The following GYPB variants were observed in gnomAD, a reference collection of about 807,000 sequenced individuals.
GYPB encodes glycophorin-B.
In GYPB, 13 loss-of-function variants were observed where a neutral mutation model predicts 15.3. That is an observed-to-expected ratio of 0.85 (90% confidence interval 0.55 to 1.35). The LOEUF is 1.35. GYPB is among the 40% of genes most tolerant of loss of function. GYPB has a pLI of 0.00. For missense variants in GYPB, 131 were observed against 108.3 expected (o/e 1.21, Z -0.93); for synonymous variants, 38 against 36.9 (o/e 1.03, Z -0.11).
chr4:144,000,718 T>A (rs958391127), intron 2 of GYPB, among the ~76,000 whole-genome samples: 6 of 151,168 alleles, frequency 4.0e-5, no homozygotes, highest in Non-Finnish European at 4.4e-5. Context: ...TTTTAGACAC[T>A]TCTTCTTATT....
At chr4:144,005,745 C>G (rs1213560508) in intron 1 of GYPB, among the ~76,000 whole-genome samples, 1 of 151,736 alleles carries the variant, frequency 6.6e-6, no homozygotes, top group Non-Finnish European at 1.5e-5. Flanking sequence ...ATAGACAGAC[C>G]TTGTGCCAAC....
At position 144,017,344 on chromosome 4, in the gene GYPB, A is replaced by G. The variant is rs554644594; in HGVS notation, c.37+1907T>C. ...ATCGTCTTTTTTTCATAGCAAAAAAAAAAAAGAAAAAGAAAAAAAAAGAAA... is the reference window on the plus strand; with the variant it reads ...ATCGTCTTTTTTTCATAGCAAAAAAGAAAAAGAAAAAGAAAAAAAAAGAAA... On this transcript the variant is annotated intron_variant, in intron 1 of 4. Coordinates refer to ENST00000502664, the MANE Select transcript of GYPB (RefSeq NM_002100.6). Among the ~76,000 whole-genome samples, 16 of 146,962 alleles carry G rather than the reference A, an allele frequency of 1.1e-4. 1 individual carries two copies. Among genetic ancestry groups the G allele is most frequent in the African/African-American group, 1.6e-4 (6 of 36,806 alleles).
At chr4:144,002,610 G>A in intron 1 of GYPB, 1 of 1,286,906 alleles carries the variant, frequency 7.8e-7, no homozygotes, top group Non-Finnish European at 1.0e-6. Flanking sequence ...GAGGGGAATG[G>A]CACCCAAGTG....
At chr4:144,013,775 T>C (rs1201795476) in intron 1 of GYPB, among the ~76,000 whole-genome samples, 2 of 56,848 alleles carry the variant, frequency 3.5e-5, no homozygotes, top group African/African-American at 7.6e-5. Flanking sequence ...GCTGTGGGGT[T>C]GGGGGGGAGG....
intron 2 of GYPB, among the ~76,000 whole-genome samples, chr4:143,999,662 C>T (rs552786741): frequency 4.0e-5 from 6 of 151,306 alleles, no homozygotes; most frequent in Admixed American, 6.6e-5. Context: ...TGACCCAACA[C>T]GTATTCATGG....
intron 1 of GYPB, among the ~76,000 whole-genome samples, chr4:144,014,572 A>T (rs1344283907): frequency 6.6e-6 from 1 of 151,456 alleles, no homozygotes; most frequent in Admixed American, 6.6e-5. Context: ...TGAAATATCT[A>T]AAATGGGTAA....
At chr4:144,007,056 T>A (rs1311806840) in intron 1 of GYPB, among the ~76,000 whole-genome samples, 1 of 150,366 alleles carries the variant, frequency 6.7e-6, no homozygotes, top group Non-Finnish European at 1.5e-5. Context: ...CTTGGTCAAG[T>A]TGTGATAATA....
intron 2 of GYPB, among the ~76,000 whole-genome samples, chr4:143,999,779 A>T (rs572642331): frequency 5.3e-5 from 8 of 151,442 alleles, no homozygotes; most frequent in Non-Finnish European, 7.4e-5. Flanking sequence ...TAAAACATGT[A>T]AAAAATAATG....
rs369684356 is a variant in GYPB at position 143,999,442 on chromosome 4, C to T, written c.144G>A (p.Thr48=). The change falls in exon 3 of 5, where the codon ACG becomes ACA. Residue 48 remains threonine (T), a synonymous_variant. Coordinates refer to ENST00000502664, the MANE Select transcript of GYPB (RefSeq NM_002100.6). ...SYISSQTNGE[T]GQLVHRFTVP... ...CAGTGAAACGATGGACAAGTTGTCC[C>T]GTTTCTCCTATAAAGCAAAATTTCA... 31 of 1,531,550 alleles carry T rather than the reference C, an allele frequency of 2.0e-5. 1 individual carries two copies. In the African/African-American group the frequency reaches 2.1e-4, roughly 10 times the overall value. 94.9% of individuals were successfully genotyped at this position (1,531,550 alleles called of 1,614,324 possible).
intron 2 of GYPB, chr4:144,000,320 C>T (rs893993112): frequency 9.5e-6 from 3 of 315,878 alleles, no homozygotes; most frequent in Non-Finnish European, 1.1e-5. Flanking sequence ...AGTTACAGCT[C>T]GTGTAAATAG....
At chr4:143,995,892 T>C (rs575559651), downstream of GYPB, among the ~76,000 whole-genome samples, 5 of 151,434 alleles carry the variant, frequency 3.3e-5, no homozygotes, top group South Asian at 1.0e-3. Flanking sequence ...CTTGACTGAA[T>C]CTTGTTCTTT....
rs140499103 is a variant in GYPB, at chr4:144,017,227, A to G, written c.37+2024T>C. On this transcript the variant is annotated intron_variant, in intron 1 of 4. Coordinates refer to ENST00000502664, the MANE Select transcript of GYPB (RefSeq NM_002100.6). ...GACTGGGAATCAAGTCATATTAGAA[A>G]AAATGGGTTCTCCATTTGGAAGAAG... Among the ~76,000 whole-genome samples the G allele has an allele frequency of 1.1e-3, 159 of 150,916 alleles. 5 individuals carry two copies. Among genetic ancestry groups the G allele is most frequent in the African/African-American group, 3.7e-3 (149 of 40,350 alleles).
At chr4:144,018,364 A>G (rs1217742510) in intron 1 of GYPB, among the ~76,000 whole-genome samples, 1 of 149,298 alleles carries the variant, frequency 6.7e-6, no homozygotes, top group Non-Finnish European at 1.5e-5. Flanking sequence ...TATCTTAGAA[A>G]ATGCTGATCT....
chr4:144,005,255 C>A (rs1486231080), intron 1 of GYPB, among the ~76,000 whole-genome samples: 4 of 151,960 alleles, frequency 2.6e-5, no homozygotes, highest in Non-Finnish European at 4.4e-5. Flanking sequence ...TGGTAAGCAG[C>A]AGAACTGAGA....
chr4:144,010,890 T>C (rs1728181804), intron 1 of GYPB, among the ~76,000 whole-genome samples: 1 of 151,406 alleles, frequency 6.6e-6, no homozygotes, highest in Non-Finnish European at 1.5e-5. Flanking sequence ...AAGTAGGCTG[T>C]ATACTTTAGA....
chr4:144,000,067 A>C, intron 2 of GYPB: 1 of 181,726 alleles, frequency 5.5e-6, no homozygotes, highest in South Asian at 1.3e-4. Flanking sequence ...TATGTCATGA[A>C]GCTCTCTTAT....
rs553860847 is a variant in GYPB, at chr4:144,001,176, A to G, written c.136+9T>C. ...GAGCCACAATTTAAAAATAAAAATG[A>G]AAACAAACCATTTGTCTGTGATGAG... On this transcript the variant is annotated intron_variant, in intron 2 of 4. Coordinates refer to ENST00000502664, the MANE Select transcript of GYPB (RefSeq NM_002100.6). 6.8e-6 allele frequency: 11 copies of G among 1,612,794 alleles called. 1 individual carries two copies. In the South Asian group the frequency reaches 8.8e-5, roughly 13 times the overall value.
rs1255298319 is a variant in GYPB, at chr4:144,002,597, A to G, written c.38-1314T>C. ...TTTGCTCATCTCTTGGAGACATTCAAATGAGGGGAATGGCACCCAAGTGCA... is the reference window on the plus strand; with the variant it reads ...TTTGCTCATCTCTTGGAGACATTCAGATGAGGGGAATGGCACCCAAGTGCA... On this transcript the variant is annotated intron_variant, in intron 1 of 4. Transcript: ENST00000502664. 4.7e-6 allele frequency: 6 copies of G among 1,287,196 alleles called. No homozygotes were observed. The East Asian group carries it at 2.2e-4, about 48-fold the overall frequency. 79.7% of individuals were successfully genotyped at this position (1,287,196 alleles called of 1,614,324 possible). A position where few individuals can be genotyped will look rare whatever the true frequency, so the allele number is the denominator to read the frequency against.
chr4:144,000,092 A>G, intron 2 of GYPB: 1 of 175,302 alleles, frequency 5.7e-6, no homozygotes, highest in East Asian at 1.6e-4. Context: ...AAGCCACACA[A>G]TTTTCTAGAG....
Sources: gnomAD v4.1 joint callset for allele counts (sites outside exome capture counted in the v4.1 genomes callset) on GRCh38, gnomAD v4.1.1 for gene constraint, MANE v1.5 for transcripts, NCBI Gene and HGNC (gene_info 2026-07-23, HGNC 2026-07-21) for gene names.